CLIC4: variants seen among roughly 807,000 people sequenced by gnomAD.
The protein encoded by CLIC4 is chloride intracellular channel protein 4.
Under a neutral mutation model 24.6 loss-of-function variants are expected in CLIC4, and 13 were observed. The ratio of observed to expected loss-of-function variants is 0.53; its 90% confidence interval spans 0.34 to 0.84. The LOEUF is 0.84. Among genes scored for constraint, CLIC4 ranks in the 40% least tolerant of loss-of-function variants. The pLI, the probability that CLIC4 is intolerant of heterozygous loss-of-function variation, is 0.01. For synonymous variants in CLIC4, 104 were observed against 111.3 expected (o/e 0.93, Z 0.41); for missense variants, 227 against 301.7 (o/e 0.75, Z 1.83).
chr1:24,811,365 T>A (rs1305892939), intron 2 of CLIC4, among the ~76,000 whole-genome samples: 1 of 152,194 alleles, frequency 6.6e-6, no homozygotes, highest in Non-Finnish European at 1.5e-5. Flanking sequence ...AGGCAAATGA[T>A]GCCTTAGTAT....
intron 1 of CLIC4, among the ~76,000 whole-genome samples, chr1:24,779,664 C>A (rs1350845989): frequency 6.6e-6 from 1 of 152,104 alleles, no homozygotes; most frequent in Admixed American, 6.6e-5. Context: ...TATAGGCTCA[C>A]CCTTACTCCC....
chr1:24,829,311 T>A (rs1639817165), intron 4 of CLIC4, among the ~76,000 whole-genome samples: 1 of 152,154 alleles, frequency 6.6e-6, no homozygotes, highest in Non-Finnish European at 1.5e-5. Context: ...GAAACTGAAA[T>A]AGAAGGGCTA....
At chr1:24,822,468 C>A (rs1639745050) in intron 3 of CLIC4, among the ~76,000 whole-genome samples, 1 of 151,000 alleles carries the variant, frequency 6.6e-6, no homozygotes, top group African/African-American at 2.4e-5. Context: ...CCTGCCTCAG[C>A]CTCCTGAGTA....
At chr1:24,815,160 T>C (rs187927522) in intron 3 of CLIC4, among the ~76,000 whole-genome samples, 1 of 152,340 alleles carries the variant, frequency 6.6e-6, no homozygotes, top group Admixed American at 6.5e-5. Context: ...TGTGCAATAA[T>C]AGCATTATGT....
chr1:24,771,797 A>T (rs1216322697), intron 1 of CLIC4: 3 of 503,754 alleles, frequency 6.0e-6, no homozygotes, highest in Admixed American at 4.1e-5. Flanking sequence ...TAAACCTAAC[A>T]GATTGGTTTA....
chr1:24,819,503 T>TCTTGG (rs1406731242), intron 3 of CLIC4, among the ~76,000 whole-genome samples: 5 of 151,586 alleles, frequency 3.3e-5, no homozygotes, highest in Non-Finnish European at 7.4e-5. Flanking sequence ...AATGGCATGA[T>TCTTGG]CTTGGCTCAC....
rs1244374702 is a variant in CLIC4 at position 24,827,070 on chromosome 1, C to T, written c.369C>T (p.Ala123=). ...ESNTAGMDIF[A]KFSAYIKNSR... ...ATACTGCTGGAATGGACATCTTTGC[C>T]AAATTCTCTGCATATATCAAGAATT... Residue 123 remains alanine, a synonymous_variant, in exon 4 of 6, where the codon GCC becomes GCT. Transcript: ENST00000374379. 2.5e-5 allele frequency: 41 copies of T among 1,611,318 alleles called. No homozygotes were observed. In the Admixed American group the frequency reaches 6.9e-4, roughly 27 times the overall value.
In CLIC4 at chr1:24,813,080, G is replaced by A. The variant is rs565553518; in HGVS notation, c.183-1014G>A. 4.2e-5 allele frequency among the ~76,000 whole-genome samples: 5 copies of A among 120,002 alleles called. 1 individual carries two copies. In the South Asian group the frequency reaches 1.3e-3, roughly 32 times the overall value. 78.7% of individuals were successfully genotyped at this position (120,002 alleles called of 152,430 possible). On this transcript the variant is annotated intron_variant, in intron 2 of 5. Transcript: ENST00000374379. ...TTTTTTTAAGATGGAGTCTTGCTCT[G>A]TCGCCCAGGCTGGAGTGCTGTGGTG...
chr1:24,836,872 G>A lies in CLIC4; in HGVS notation c.416-2988G>A, dbSNP rs80113156. 4.7e-3 allele frequency among the ~76,000 whole-genome samples: 709 copies of A among 152,228 alleles called. 4 individuals carry two copies. Among genetic ancestry groups the A allele is most frequent in the African/African-American group, 0.016 (663 of 41,548 alleles). On this transcript the variant is annotated intron_variant, in intron 4 of 5. Transcript: ENST00000374379. ...AAAAAACAAAAGCTACAGCTAGAAAGTTTCTACATGTTTGAAAATTAATTA... is the reference window on the plus strand; with the variant it reads ...AAAAAACAAAAGCTACAGCTAGAAAATTTCTACATGTTTGAAAATTAATTA...
chr1:24,770,290 C>G (rs1159410287), intron 1 of CLIC4, among the ~76,000 whole-genome samples: 1 of 151,460 alleles, frequency 6.6e-6, no homozygotes, highest in Non-Finnish European at 1.5e-5. Flanking sequence ...CCCTTCCTCC[C>G]CCTTCAGAGG....
At position 24,843,708 on chromosome 1, in the gene CLIC4, C is replaced by G. The variant is rs1362774213; in HGVS notation, c.*2771C>G. On this transcript the variant is annotated 3_prime_UTR_variant, in exon 6 of 6. Coordinates refer to ENST00000374379, the MANE Select transcript of CLIC4 (RefSeq NM_013943.3). ...ATTTATCTTTAAATCCTTGAGCAAT[C>G]TGTATACAATTAAGAGATTTCTGAC... 1 of 152,454 alleles carries G rather than the reference C, an allele frequency of 6.6e-6. No homozygotes were observed. The highest frequency in any genetic ancestry group is 1.5e-5 in the Non-Finnish European group (1 of 68,004). 9.4% of individuals were successfully genotyped at this position (152,454 alleles called of 1,614,324 possible).
chr1:24,839,805 G>T (rs1198557574), intron 4 of CLIC4, 55 bp from the exon 5 acceptor site: 5 of 1,463,102 alleles, frequency 3.4e-6, no homozygotes, highest in Non-Finnish European at 4.7e-6. Context: ...TCTCCTTGGG[G>T]ACTTGAGTGG....
rs183280636 is a variant in CLIC4 at position 24,811,176 on chromosome 1, A to G, written c.183-2918A>G. ...AAAACATTTTTAATGTAAAACAACT[A>G]TATTTCCCAAAACAAAAAATAGTGA... On this transcript the variant is annotated intron_variant, in intron 2 of 5. Coordinates refer to ENST00000374379, the MANE Select transcript of CLIC4 (RefSeq NM_013943.3). 1.4e-4 allele frequency among the ~76,000 whole-genome samples: 22 copies of G among 152,264 alleles called. 1 individual carries two copies. The South Asian group carries it at 1.7e-3, about 11-fold the overall frequency.
intron 3 of CLIC4, among the ~76,000 whole-genome samples, chr1:24,821,871 C>G (rs1003007602): frequency 2.0e-5 from 3 of 152,220 alleles, no homozygotes; most frequent in African/African-American, 7.2e-5. Context: ...CAGGCGTGAG[C>G]CACCGTGCCT....
chr1:24,828,286 G>A, intron 4 of CLIC4, among the ~76,000 whole-genome samples: 1 of 152,100 alleles, frequency 6.6e-6, no homozygotes, highest in Non-Finnish European at 1.5e-5. Context: ...AAAAATGTTA[G>A]TGCTCAGGTC....
At chr1:24,792,180 GTA>G (rs978156660) in intron 1 of CLIC4, among the ~76,000 whole-genome samples, 63 of 150,986 alleles carry the variant, frequency 4.2e-4, no homozygotes, top group African/African-American at 1.5e-3. Context: ...GTATGTGTGT[GTA>G]TATATATAAT....
chr1:24,770,691 A>G (rs1639060146), intron 1 of CLIC4, among the ~76,000 whole-genome samples: 1 of 151,672 alleles, frequency 6.6e-6, no homozygotes, highest in Non-Finnish European at 1.5e-5. Flanking sequence ...TAGCTTCTTT[A>G]ATTTCTTGAC....
chr1:24,820,464 A>G (rs1370924967), intron 3 of CLIC4, among the ~76,000 whole-genome samples: 7 of 149,604 alleles, frequency 4.7e-5, no homozygotes, highest in African/African-American at 1.2e-4. Flanking sequence ...GGGTCTTGCT[A>G]TGTTGCCCAG....
At chr1:24,810,718 A>G (rs777838314) in intron 2 of CLIC4, among the ~76,000 whole-genome samples, 7 of 151,662 alleles carry the variant, frequency 4.6e-5, no homozygotes, top group Non-Finnish European at 7.4e-5. Flanking sequence ...GGCTGCAGGG[A>G]ACCATGATTG....
Sources: allele counts gnomAD v4.1 joint callset (sites outside exome capture counted in the v4.1 genomes callset), GRCh38; gene constraint gnomAD v4.1.1; transcripts MANE v1.5; gene names NCBI Gene and HGNC (gene_info 2026-07-23, HGNC 2026-07-21).